Variants in PDE4B observed in about 807,000 individuals in gnomAD.
The protein encoded by PDE4B is 3',5'-cyclic-AMP phosphodiesterase 4B.
In PDE4B, 20 loss-of-function variants were observed where a neutral mutation model predicts 82.2. The ratio of observed to expected loss-of-function variants is 0.24; its 90% CI spans 0.17 to 0.35. The LOEUF is 0.35. Among genes scored for constraint, PDE4B ranks in the 10% least tolerant of loss-of-function variants. The probability of loss-of-function intolerance (pLI) is 1.00; values close to 1 mark genes in which losing one functional copy is unlikely to be tolerated. For synonymous variants in PDE4B, 320 were observed against 318.9 expected, an observed-to-expected ratio of 1.00 and a Z score of -0.04; for missense variants, 655 against 907.2, an observed-to-expected ratio of 0.72 and a Z score of 3.57.
intron 12 of PDE4B, among the ~76,000 whole-genome samples, 166 bp from the exon 13 acceptor site, chr1:66,365,501 T>A (rs1006629175): frequency 6.6e-6 from 1 of 152,212 alleles, no homozygotes; most frequent in South Asian, 2.1e-4. Context: ...AGAGACTTTA[T>A]GATGATGAAC....
At chr1:66,104,143 G>C (rs943642332) in intron 3 of PDE4B, among the ~76,000 whole-genome samples, 4 of 139,774 alleles carry the variant, frequency 2.9e-5, no homozygotes, top group African/African-American at 1.1e-4. Context: ...CTGTGTCCAT[G>C]CGTTCTCGTT....
At chr1:65,992,820 C>T (rs1321226040) in intron 3 of PDE4B, 6 of 1,501,278 alleles carry the variant, frequency 4.0e-6, no homozygotes, top group Non-Finnish European at 5.3e-6. Context: ...AGTTTGCAGA[C>T]TTATCAGTCT....
rs748975079 is a variant in PDE4B at position 66,363,193 on chromosome 1, G to A, written c.1046G>A (p.Gly349Asp). The stretch of plus-strand genomic sequence containing the variant: ...GAGCTGGAAGACCTGAACAAATGGG[G>A]TCTTAACATCTTTAATGTGGCTGGA... ...AKELEDLNKW[G>D]LNIFNVAGYS... The change falls in exon 11 of 17, where the codon GGT (glycine) becomes GAT (aspartate). Residue 349 changes from glycine to aspartate, a missense_variant. By Grantham distance (94) the Gly-to-Asp change is moderately conservative (BLOSUM62 -1). This residue lies in a region of PDE4B where 283 missense variants were observed against 516.4 expected (regional missense o/e 0.55). Coordinates refer to ENST00000341517, the MANE Select transcript of PDE4B (RefSeq NM_002600.4). 1 of 1,612,050 alleles carries A rather than the reference G, an allele frequency of 6.2e-7. No homozygotes were observed. The highest frequency in any genetic ancestry group is 1.1e-5 in the South Asian group (1 of 90,982).
intron 13 of PDE4B, 27 bp downstream of exon 13, chr1:66,365,793 C>G (rs1367600682): frequency 1.5e-6 from 2 of 1,292,880 alleles, no homozygotes; most frequent in East Asian, 2.4e-5. Flanking sequence ...AGCAGTCATT[C>G]CAGATAATTG....
chr1:66,301,412 C>G (rs953451193), intron 7 of PDE4B, among the ~76,000 whole-genome samples: 15 of 152,062 alleles, frequency 9.9e-5, no homozygotes, highest in African/African-American at 3.6e-4. Context: ...CCATTTGATC[C>G]TGAGGTAAAA....
At chr1:66,048,186 A>G (rs1226148864) in intron 3 of PDE4B, among the ~76,000 whole-genome samples, 2 of 151,800 alleles carry the variant, frequency 1.3e-5, no homozygotes, top group Non-Finnish European at 2.9e-5. Context: ...TGCCATTATC[A>G]CTTCCTTTGG....
intron 2 of PDE4B, 101 bp from the exon 3 acceptor site, chr1:65,918,496 A>T: frequency 1.4e-6 from 1 of 703,984 alleles, no homozygotes; most frequent in Non-Finnish European, 2.5e-6. Flanking sequence ...TCAGGACATC[A>T]TAAGTGACAG....
intron 7 of PDE4B, among the ~76,000 whole-genome samples, chr1:66,307,439 C>T (rs12138836): frequency 3.7e-4 from 57 of 152,124 alleles, no homozygotes; most frequent in Admixed American, 1.8e-3. Flanking sequence ...TGGTTAAAAG[C>T]GGAGATAGAG....
chr1:66,372,517 C>G lies in PDE4B; in HGVS notation c.2050C>G (p.Leu684Val), dbSNP rs755598679. 3 of 1,614,114 alleles carry G rather than the reference C, an allele frequency of 1.9e-6. No homozygotes were observed. Among genetic ancestry groups the G allele is most frequent in the Non-Finnish European group, 2.5e-6 (3 of 1,180,004 alleles). The stretch of plus-strand genomic sequence containing the variant: ...GGAGAAGTTTCAGTTTGAACTGACT[C>G]TCGATGAGGAAGATTCTGAAGGACC... ...LMEKFQFELT[L>V]DEEDSEGPEK... The change falls in exon 17 of 17, where the codon CTC becomes GTC. Residue 684 changes from leucine (L) to valine (V), a missense_variant. This residue lies in a region of PDE4B where 119 missense variants were observed against 115.2 expected (regional missense o/e 1.03). Transcript: ENST00000341517.
At chr1:65,873,345 G>A (rs1218760528) in intron 1 of PDE4B, among the ~76,000 whole-genome samples, 1 of 152,096 alleles carries the variant, frequency 6.6e-6, no homozygotes, top group Non-Finnish European at 1.5e-5. Context: ...AGAAAGGTTG[G>A]GGATTATGTC....
At chr1:66,344,395 C>G (rs887905494) in intron 8 of PDE4B, among the ~76,000 whole-genome samples, 1 of 152,112 alleles carries the variant, frequency 6.6e-6, no homozygotes, top group Non-Finnish European at 1.5e-5. Context: ...ATTTAAAAAT[C>G]AGTATCATTT....
chr1:65,850,643 G>A (rs1000962460), intron 1 of PDE4B, among the ~76,000 whole-genome samples: 2 of 152,038 alleles, frequency 1.3e-5, no homozygotes, highest in African/African-American at 4.8e-5. Flanking sequence ...CTGAGTAAGA[G>A]TGTGTTTGTG....
chr1:66,329,175 C>T lies in PDE4B; in HGVS notation c.635-3333C>T, dbSNP rs115859001. Among the ~76,000 whole-genome samples the T allele has an allele frequency of 4.0e-3, 603 of 152,204 alleles. 3 individuals are homozygous for T. Among genetic ancestry groups the T allele is most frequent in the African/African-American group, 0.014 (574 of 41,506 alleles). On this transcript the variant is annotated intron_variant, in intron 7 of 16. Coordinates refer to ENST00000341517, the MANE Select transcript of PDE4B (RefSeq NM_002600.4). The stretch of plus-strand genomic sequence containing the variant: ...GGTTGCTGTGAGGGTCTGCACTCAC[C>T]TCAAGGTATCCCAGTGCCTGAAATA...
chr1:66,332,118 C>G, intron 7 of PDE4B: 1 of 1,258,528 alleles, frequency 7.9e-7, no homozygotes, highest in Non-Finnish European at 1.0e-6. Flanking sequence ...ATCACATACC[C>G]TAAAGAACCC....
intron 3 of PDE4B, among the ~76,000 whole-genome samples, chr1:66,050,023 C>T (rs1023779293): frequency 3.3e-5 from 5 of 151,984 alleles, no homozygotes; most frequent in Admixed American, 3.3e-4. Context: ...AGTTTTGGGA[C>T]ATAGGCAACA....
intron 3 of PDE4B, among the ~76,000 whole-genome samples, chr1:66,142,759 G>T (rs1016890864): frequency 6.6e-6 from 1 of 152,112 alleles, no homozygotes; most frequent in Admixed American, 6.5e-5. Flanking sequence ...ATATTGTAAT[G>T]TCGGTGCTTT....
chr1:65,964,036 G>C (rs1281990981), intron 3 of PDE4B, among the ~76,000 whole-genome samples: 3 of 152,120 alleles, frequency 2.0e-5, no homozygotes, highest in Non-Finnish European at 4.4e-5. Context: ...TTTCTGAGAA[G>C]TGATAAGAAT....
chr1:66,041,067 G>A (rs571936041), intron 3 of PDE4B, among the ~76,000 whole-genome samples: 1 of 152,038 alleles, frequency 6.6e-6, no homozygotes, highest in African/African-American at 2.4e-5. Context: ...TTGTTGAACA[G>A]AATAATTCCT....
intron 3 of PDE4B, among the ~76,000 whole-genome samples, chr1:66,088,116 A>G (rs1020370536): frequency 6.6e-6 from 1 of 152,070 alleles, no homozygotes; most frequent in African/African-American, 2.4e-5. Context: ...TTGGAAGAAC[A>G]TTGCTAAGTA....
Sources: allele counts gnomAD v4.1 joint callset (sites outside exome capture counted in the v4.1 genomes callset), GRCh38; gene constraint gnomAD v4.1.1; regional missense constraint gnomAD v4.1.1; transcripts MANE v1.5; gene names NCBI Gene and HGNC (gene_info 2026-07-23, HGNC 2026-07-21).